The following STC1 variants were observed in gnomAD, a reference collection of about 807,000 sequenced individuals.
The protein encoded by STC1 is stanniocalcin-1.
Under a neutral mutation model 22.6 loss-of-function variants are expected in STC1, and 7 were observed. That is an observed-to-expected ratio of 0.31 (90% confidence interval 0.18 to 0.58). The LOEUF (loss-of-function observed/expected upper bound fraction) is 0.58, where lower values mean the gene tolerates loss of function less well. Among genes scored for constraint, STC1 ranks in the 20% least tolerant of loss-of-function variants. STC1 has a pLI of 0.89. For synonymous variants in STC1, 113 were observed against 120.7 expected (o/e 0.94, Z 0.42); for missense variants, 224 against 311.0 (o/e 0.72, Z 2.10).
intron 1 of STC1, among the ~76,000 whole-genome samples, chr8:23,853,198 G>C (rs905322931): frequency 1.3e-5 from 2 of 152,146 alleles, no homozygotes; most frequent in Non-Finnish European, 2.9e-5. Flanking sequence ...CCCACAGAAG[G>C]GGGGTGTTCT....
chr8:23,851,705 C>G (rs768828742), intron 2 of STC1, among the ~76,000 whole-genome samples, 174 bp from the exon 3 acceptor site: 1 of 151,156 alleles, frequency 6.6e-6, no homozygotes, highest in Non-Finnish European at 1.5e-5. Flanking sequence ...AAAAAAAGCC[C>G]TCTCCCCATC....
At chr8:23,846,787 A>G (rs909037675) in intron 3 of STC1, among the ~76,000 whole-genome samples, 8 of 152,110 alleles carry the variant, frequency 5.3e-5, no homozygotes, top group African/African-American at 1.9e-4. Flanking sequence ...ACATTGTCCA[A>G]CTCTTTGGAA....
chr8:23,853,199 G>C (rs1190768850), intron 1 of STC1, among the ~76,000 whole-genome samples: 1 of 152,122 alleles, frequency 6.6e-6, no homozygotes, highest in Non-Finnish European at 1.5e-5. Context: ...CCACAGAAGG[G>C]GGGTGTTCTG....
chr8:23,845,797 A>G (rs777117250), intron 3 of STC1, among the ~76,000 whole-genome samples: 11 of 152,198 alleles, frequency 7.2e-5, no homozygotes, highest in Non-Finnish European at 1.2e-4. Flanking sequence ...GTGGTTTTTA[A>G]GGGTTCATGC....
chr8:23,851,417 C>T lies in STC1; in HGVS notation c.376G>A (p.Glu126Lys), dbSNP rs909554319. The stretch of plus-strand genomic sequence containing the variant: ...ACATTCAGCTTGCTGTAGCACTCTT[C>T]CTGCACCTCAGCAATCATCCTTTGG... ...TFQRMIAEVQEECYSKLNVCS... is the reference protein window; with the variant it reads ...TFQRMIAEVQKECYSKLNVCS... The change falls in exon 3 of 4, where the codon GAA (glutamate) becomes AAA (lysine). Residue 126 changes from glutamate to lysine, a missense_variant. Glu to Lys is a moderately conservative substitution (Grantham distance 56). Coordinates refer to ENST00000290271, the MANE Select transcript of STC1 (RefSeq NM_003155.3). 21 of 1,614,050 alleles carry T rather than the reference C, an allele frequency of 1.3e-5. No individual in the cohort carries two copies. The highest frequency in any genetic ancestry group is 1.7e-5 in the Admixed American group (1 of 60,004).
In STC1 at chr8:23,854,553, GT is replaced by G. The variant is rs5890129; in HGVS notation, c.-31del. ...TGAGAAGTTTCCGCTAAGTTGTTGGGTTTTTTTTTTTTCCTGCCCCCCTTTC... is the reference window on the plus strand; with the variant it reads ...TGAGAAGTTTCCGCTAAGTTGTTGGGTTTTTTTTTTTCCTGCCCCCCTTTC... On this transcript the variant is annotated 5_prime_UTR_variant, in exon 1 of 4. Coordinates refer to ENST00000290271, the MANE Select transcript of STC1 (RefSeq NM_003155.3). 0.024 allele frequency: 29,060 copies of G among 1,226,278 alleles called. No homozygotes were observed. Among genetic ancestry groups the G allele is most frequent in the Non-Finnish European group, 0.025 (22,717 of 897,200 alleles). The allele number at this position is 1,226,278 out of a possible 1,614,324, so 76.0% of individuals were successfully genotyped here.
chr8:23,846,488 G>A (rs1050313200), intron 3 of STC1, among the ~76,000 whole-genome samples: 1 of 152,332 alleles, frequency 6.6e-6, no homozygotes, highest in East Asian at 1.9e-4. Flanking sequence ...CAGGTCTTCC[G>A]TGAAAAGAAA....
At position 23,854,565 on chromosome 8, in the gene STC1, T is replaced by C. The variant is rs765851875; in HGVS notation, c.-42A>G. On this transcript the variant is annotated 5_prime_UTR_variant, in exon 1 of 4. Coordinates refer to ENST00000290271, the MANE Select transcript of STC1 (RefSeq NM_003155.3). ...GCTAAGTTGTTGGGTTTTTTTTTTT[T>C]CCTGCCCCCCTTTCCTCTTTCCCTC... 8 of 1,453,746 alleles carry C rather than the reference T, an allele frequency of 5.5e-6. No individual in the cohort carries two copies. The highest frequency in any genetic ancestry group is 2.3e-5 in the East Asian group (1 of 44,074). 90.1% of individuals were successfully genotyped at this position (1,453,746 alleles called of 1,614,324 possible).
At chr8:23,850,634 G>T (rs1802626895) in intron 3 of STC1, among the ~76,000 whole-genome samples, 1 of 152,134 alleles carries the variant, frequency 6.6e-6, no homozygotes, top group Admixed American at 6.5e-5. Context: ...AGTGGCCTTG[G>T]GTGGTGTTTG....
At chr8:23,854,200 TC>T in intron 1 of STC1, 1 of 1,139,996 alleles carries the variant, frequency 8.8e-7, no homozygotes, top group Non-Finnish European at 1.2e-6. Flanking sequence ...CAGCAGAGCG[TC>T]CAGCTTCTTC....
Position 23,854,565 on chromosome 8 carries a change from TCCTGCCCCCC to T in STC1, c.-52_-43del. 6.9e-7 allele frequency: 1 copy of T among 1,453,740 alleles called. No individual in the cohort carries two copies. Among genetic ancestry groups the T allele is most frequent in the Non-Finnish European group, 9.7e-7 (1 of 1,034,566 alleles). The allele number at this position is 1,453,740 out of a possible 1,614,324, so 90.1% of individuals were successfully genotyped here. ...GCTAAGTTGTTGGGTTTTTTTTTTT[TCCTGCCCCCC>T]TTTCCTCTTTCCCTCTCCTGGCTTG... On this transcript the variant is annotated 5_prime_UTR_variant, in exon 1 of 4. Coordinates refer to ENST00000290271, the MANE Select transcript of STC1 (RefSeq NM_003155.3).
intron 3 of STC1, among the ~76,000 whole-genome samples, chr8:23,848,865 C>A (rs1351569404): frequency 1.3e-5 from 2 of 152,162 alleles, no homozygotes; most frequent in African/African-American, 4.8e-5. Flanking sequence ...GTTTCCTGTT[C>A]CCTATCCATG....
chr8:23,845,194 C>A (rs984892375), intron 3 of STC1, among the ~76,000 whole-genome samples, 154 bp from the exon 4 acceptor site: 1 of 152,142 alleles, frequency 6.6e-6, no homozygotes, highest in Admixed American at 6.5e-5. Context: ...TGCTCTCTAA[C>A]CCTTGTGCCA....
chr8:23,852,428 A>G (rs186979235), intron 1 of STC1, 44 bp from the exon 2 acceptor site: 1 of 1,550,746 alleles, frequency 6.4e-7, no homozygotes, highest in African/African-American at 1.4e-5. Flanking sequence ...ACAGTGAGGA[A>G]TGGCTGGGTG....
intron 3 of STC1, among the ~76,000 whole-genome samples, chr8:23,845,950 T>A (rs1802567319): frequency 6.6e-6 from 1 of 152,200 alleles, no homozygotes; most frequent in Non-Finnish European, 1.5e-5. Context: ...GACTAGACTG[T>A]AAGCTTACTG....
chr8:23,850,049 G>C (rs1238882093), intron 3 of STC1, among the ~76,000 whole-genome samples: 1 of 152,218 alleles, frequency 6.6e-6, no homozygotes, highest in Non-Finnish European at 1.5e-5. Flanking sequence ...CCAAGGACTA[G>C]AGAAGTGATT....
intron 3 of STC1, among the ~76,000 whole-genome samples, chr8:23,851,044 G>T (rs990735874): frequency 2.0e-5 from 3 of 151,316 alleles, no homozygotes; most frequent in Middle Eastern, 3.4e-3. Context: ...GGCAAAAAAT[G>T]GTCAATGAAA....
intron 3 of STC1, 106 bp from the exon 4 acceptor site, chr8:23,845,146 A>G: frequency 8.5e-7 from 1 of 1,176,268 alleles, no homozygotes; most frequent in Non-Finnish European, 1.2e-6. Context: ...TGGCCTGACC[A>G]TGCAAACATC....
chr8:23,849,236 A>G, intron 3 of STC1, among the ~76,000 whole-genome samples: 1 of 152,230 alleles, frequency 6.6e-6, no homozygotes, highest in East Asian at 1.9e-4. Context: ...ATGGTGGGAT[A>G]GAGGCTGGGA....
Sources: gnomAD v4.1 joint callset for allele counts (sites outside exome capture counted in the v4.1 genomes callset) on GRCh38, gnomAD v4.1.1 for gene constraint, MANE v1.5 for transcripts, NCBI Gene and HGNC (gene_info 2026-07-23, HGNC 2026-07-21) for gene names.